The following FHDC1 variants were observed in gnomAD, a reference collection of about 807,000 sequenced individuals.
FHDC1 encodes FH2 domain-containing protein 1.
Under a neutral mutation model 52.6 loss-of-function variants are expected in FHDC1, and 25 were observed. That is an observed-to-expected ratio of 0.48 (90% CI 0.35 to 0.66). FHDC1 has a LOEUF of 0.66. Ranked by LOEUF, FHDC1 falls within the 30% of genes least tolerant of loss-of-function variation. The probability of loss-of-function intolerance (pLI) is 0.01; values close to 1 mark genes in which losing one functional copy is unlikely to be tolerated. For synonymous variants in FHDC1, 616 were observed against 581.5 expected, an observed-to-expected ratio of 1.06 and a Z score of -0.85; for missense variants, 1,459 against 1,452.8, an observed-to-expected ratio of 1.00 and a Z score of -0.07.
At chr4:152,914,976 T>G in the FHDC1 span, among the ~76,000 whole-genome samples, 1 of 152,162 alleles carries the variant, frequency 6.6e-6, no homozygotes, top group Non-Finnish European at 1.5e-5. Context: ...CCTGAAAAGT[T>G]TTTAAATTAT....
chr4:152,935,422 T>C (rs1417787996), upstream of FHDC1, among the ~76,000 whole-genome samples: 1 of 152,116 alleles, frequency 6.6e-6, no homozygotes, highest in Non-Finnish European at 1.5e-5. Flanking sequence ...TTTCTTTGAC[T>C]ACTTGCTTCT....
intron 2 of FHDC1, among the ~76,000 whole-genome samples, chr4:152,943,970 A>C (rs1191217476): frequency 6.6e-6 from 1 of 152,224 alleles, no homozygotes; most frequent in Non-Finnish European, 1.5e-5. Context: ...CTTTTGTTAA[A>C]TAGCATCATC....
intron 6 of FHDC1, among the ~76,000 whole-genome samples, chr4:152,961,472 TCTC>T (rs891151497): frequency 1.3e-5 from 2 of 152,244 alleles, no homozygotes; most frequent in African/African-American, 4.8e-5. Context: ...GATAGCCTCT[TCTC>T]AGAGCTGCCC....
intron 4 of FHDC1, among the ~76,000 whole-genome samples, chr4:152,959,908 A>G (rs1043241962): frequency 3.3e-5 from 5 of 150,608 alleles, no homozygotes; most frequent in African/African-American, 1.2e-4. Flanking sequence ...CCACAGTACA[A>G]CTCTTCTGCC....
At position 152,960,787 on chromosome 4, in the gene FHDC1, C is replaced by A; in HGVS notation, c.793C>A (p.Leu265Ile). ...AGCCATGGTGCTAAAGAAGGAATTT[C>A]TACCTTCTTGCTCTTCTCTATATAC... ...IEAMVLKKEFLPSCSSLYTDI... is the reference protein window; with the variant it reads ...IEAMVLKKEFIPSCSSLYTDI... Residue 265 changes from leucine (L) to isoleucine (I), a missense_variant, in exon 6 of 12, where the codon CTA becomes ATA. Coordinates refer to ENST00000511601, the MANE Select transcript of FHDC1 (RefSeq NM_001371116.1). 6.2e-7 allele frequency: 1 copy of A among 1,613,072 alleles called. No individual in the cohort carries two copies. The highest frequency in any genetic ancestry group is 1.1e-5 in the South Asian group (1 of 90,690).
the FHDC1 span, among the ~76,000 whole-genome samples, chr4:152,920,557 A>C: frequency 6.6e-6 from 1 of 152,196 alleles, no homozygotes; most frequent in South Asian, 2.1e-4. Flanking sequence ...AGAGCACAGA[A>C]TATTAGGTTG....
chr4:152,921,236 G>A, the FHDC1 span, among the ~76,000 whole-genome samples: 6 of 151,356 alleles, frequency 4.0e-5, no homozygotes, highest in Non-Finnish European at 8.8e-5. Flanking sequence ...CTTTAAATAA[G>A]AACACATTTC....
intron 2 of FHDC1, among the ~76,000 whole-genome samples, chr4:152,945,506 G>A (rs1739703062): frequency 6.6e-6 from 1 of 152,074 alleles, no homozygotes; most frequent in Admixed American, 6.6e-5. Context: ...ACCCAGGCTG[G>A]AGTACAGTGG....
Position 152,960,652 on chromosome 4 carries a change from T to C in FHDC1, c.749+2T>C. On this transcript the variant is annotated splice_donor_variant, in intron 5 of 11. Coordinates refer to ENST00000511601, the MANE Select transcript of FHDC1 (RefSeq NM_001371116.1). LOFTEE classifies it high-confidence loss of function. ...GTATGGCTTAATTCAGGTGCCAAAG[T>C]AAGGATACAGTCGCTGGTTATTATT... is the stretch of plus-strand genomic sequence containing the variant. The C allele has an allele frequency of 6.2e-7, 1 of 1,614,100 alleles. No individual in the cohort carries two copies. Among genetic ancestry groups the C allele is most frequent in the Non-Finnish European group, 8.5e-7 (1 of 1,179,966 alleles).
At chr4:152,960,466 A>G in intron 4 of FHDC1, 99 bp from the exon 5 acceptor site, 1 of 1,069,178 alleles carries the variant, frequency 9.4e-7, no homozygotes, top group Non-Finnish European at 1.4e-6. Context: ...TAGCACTAAA[A>G]TCCTATTTTT....
rs755257123 is a variant in FHDC1 at position 152,975,815 on chromosome 4, C to G, written c.2524C>G (p.Pro842Ala). ...APAPVSVDSE[P>A]SCKGGLPRDK... is the part of the protein sequence containing the mutation. ...TGCCCCCGTCTCTGTGGATAGTGAG[C>G]CCAGCTGCAAGGGCGGCCTGCCCAG... The change falls in exon 12 of 12, where the codon CCC becomes GCC. Residue 842 changes from proline (P) to alanine (A), a missense_variant. Physicochemically the swap from Pro to Ala is conservative, Grantham distance 27. Transcript: ENST00000511601. 11 of 1,523,232 alleles carry G rather than the reference C, an allele frequency of 7.2e-6. No homozygotes were observed. Among genetic ancestry groups the G allele is most frequent in the Non-Finnish European group, 9.7e-6 (11 of 1,137,042 alleles). 94.4% of individuals were successfully genotyped at this position (1,523,232 alleles called of 1,614,324 possible).
chr4:152,936,692 G>A (rs552336150), intron 1 of FHDC1, among the ~76,000 whole-genome samples: 201 of 152,372 alleles, frequency 1.3e-3, no homozygotes, highest in African/African-American at 4.4e-3. Context: ...GCGAGGACGC[G>A]CCGGTGTGGA....
the FHDC1 span, among the ~76,000 whole-genome samples, chr4:152,919,464 C>T: frequency 1.2e-4 from 19 of 152,220 alleles, no homozygotes; most frequent in African/African-American, 3.4e-4. Flanking sequence ...TACCATTCTA[C>T]CATGGCAGCT....
intron 6 of FHDC1, among the ~76,000 whole-genome samples, chr4:152,961,500 G>A (rs775346370): frequency 3.5e-4 from 53 of 152,270 alleles, no homozygotes; most frequent in Non-Finnish European, 7.2e-4. Context: ...GTCTCCTTCC[G>A]GAGGGGTGGG....
chr4:152,959,524 G>A (rs1011864535), intron 4 of FHDC1, among the ~76,000 whole-genome samples: 3 of 152,200 alleles, frequency 2.0e-5, no homozygotes, highest in Non-Finnish European at 4.4e-5. Flanking sequence ...ATAAAAATGA[G>A]CAACAGAAGA....
chr4:152,960,746 A>C lies in FHDC1; in HGVS notation c.752A>C (p.Tyr251Ser), dbSNP rs769501188. Residue 251 changes from tyrosine (Y) to serine (S), a missense_variant and splice_region_variant, in exon 6 of 12, where the codon TAT becomes TCT. By Grantham distance (144) the Tyr-to-Ser change is moderately radical. Coordinates refer to ENST00000511601, the MANE Select transcript of FHDC1 (RefSeq NM_001371116.1). ...FLYGLIQVPN[Y>S]SLRIEAMVLK... ...AGTTTTACTTTTTTATTTTTCAGCT[A>C]TTCACTTCGGATTGAAGCCATGGTG... is the stretch of plus-strand genomic sequence containing the variant. The C allele has an allele frequency of 6.2e-7, 1 of 1,613,096 alleles. No individual in the cohort carries two copies. The highest frequency in any genetic ancestry group is 1.3e-5 in the African/African-American group (1 of 74,932).
intron 1 of FHDC1, among the ~76,000 whole-genome samples, chr4:152,936,705 C>T (rs1466590864): frequency 6.6e-6 from 1 of 152,266 alleles, no homozygotes; most frequent in Non-Finnish European, 1.5e-5. Flanking sequence ...GGTGTGGACC[C>T]GCGTCTGGAG....
At chr4:152,931,507 C>T (rs77018836), upstream of FHDC1, among the ~76,000 whole-genome samples, 13 of 110,320 alleles carry the variant, frequency 1.2e-4, no homozygotes, top group East Asian at 1.3e-3. Flanking sequence ...CACACACACA[C>T]GAAAAACAAA....
At chr4:152,928,063 A>T in the FHDC1 span, 1 of 1,388,776 alleles carries the variant, frequency 7.2e-7, no homozygotes, top group African/African-American at 1.4e-5. Flanking sequence ...CCTCTGCTGC[A>T]GTCTGTATCA....
Sources: gnomAD v4.1 joint callset for allele counts (sites outside exome capture counted in the v4.1 genomes callset) on GRCh38, gnomAD v4.1.1 for gene constraint, MANE v1.5 for transcripts, NCBI Gene and HGNC (gene_info 2026-07-23, HGNC 2026-07-21) for gene names.